The following IMPG2 variants were observed in gnomAD, a reference collection of about 807,000 sequenced individuals.
The protein encoded by IMPG2 is interphotoreceptor matrix proteoglycan 2.
In IMPG2, 91 loss-of-function variants were observed where a neutral mutation model predicts 129.2. The observed-to-expected ratio is 0.70, with a 90% CI of 0.59 to 0.84. IMPG2 has a LOEUF of 0.84. Among genes scored for constraint, IMPG2 ranks in the 40% least tolerant of loss-of-function variants. The pLI is 0.00. For missense variants in IMPG2, 1,430 were observed against 1,461.7 expected (o/e 0.98, Z 0.35); for synonymous variants, 510 against 517.7 (o/e 0.99, Z 0.20).
At position 101,281,030 on chromosome 3, in the gene IMPG2, G is replaced by GAC. The variant is rs950089478; in HGVS notation, c.534-4319_534-4318dup. On this transcript the variant is annotated intron_variant, in intron 4 of 18. Coordinates refer to ENST00000193391, the MANE Select transcript of IMPG2 (RefSeq NM_016247.4). Reference sequence around the variant, plus strand: ...TCAACTACAAATGTAAATTAATTGAGACACACACACACACAATCCCAAAGA... The same window carrying GAC: ...TCAACTACAAATGTAAATTAATTGAGACACACACACACACACAATCCCAAAGA... Among the ~76,000 whole-genome samples the GAC allele has an allele frequency of 3.2e-3, 479 of 151,670 alleles. 1 individual carries two copies. Among genetic ancestry groups the GAC allele is most frequent in the African/African-American group, 0.011 (438 of 41,384 alleles).
chr3:101,226,225 TTA>T lies in IMPG2; in HGVS notation c.*742_*743del, dbSNP rs66908707. On this transcript the variant is annotated 3_prime_UTR_variant, in exon 19 of 19. Transcript: ENST00000193391. ...TAGATTAATGGGAATCTTCTAAACT[TTA>T]TATATATATATATATATATATATAT... 23 of 102,746 alleles carry T rather than the reference TTA, an allele frequency of 2.2e-4. No homozygotes were observed. Among genetic ancestry groups the T allele is most frequent in the East Asian group, 7.1e-4 (2 of 2,802 alleles). 6.4% of individuals were successfully genotyped at this position (102,746 alleles called of 1,614,324 possible). A position where few individuals can be genotyped will look rare whatever the true frequency, so the allele number is the denominator to read the frequency against.
At chr3:101,313,811 T>C (rs2058768916) in intron 2 of IMPG2, among the ~76,000 whole-genome samples, 1 of 152,096 alleles carries the variant, frequency 6.6e-6, no homozygotes, top group Admixed American at 6.6e-5. Flanking sequence ...TATTTGTAGA[T>C]GAAATAATTA....
At position 101,229,602 on chromosome 3, in the gene IMPG2, A is replaced by G. The variant is rs757225203; in HGVS notation, c.3423-12T>C. 6.2e-7 allele frequency: 1 copy of G among 1,609,630 alleles called. No homozygotes were observed. Among genetic ancestry groups the G allele is most frequent in the South Asian group, 1.1e-5 (1 of 90,954 alleles). The stretch of plus-strand genomic sequence containing the variant: ...GCCTGCTGGAGCCACTAAAAGAAAG[A>G]TATGATGGATTCAGGCTCTTGTTTG... On this transcript the variant is annotated splice_polypyrimidine_tract_variant and intron_variant, in intron 16 of 18. Coordinates refer to ENST00000193391, the MANE Select transcript of IMPG2 (RefSeq NM_016247.4).
At chr3:101,263,601 A>G (rs1706692056) in intron 9 of IMPG2, among the ~76,000 whole-genome samples, 1 of 151,942 alleles carries the variant, frequency 6.6e-6, no homozygotes, top group African/African-American at 2.4e-5. Context: ...TCAAACAACT[A>G]AAAAGATTTC....
At chr3:101,238,969 A>C (rs1027764555) in intron 14 of IMPG2, among the ~76,000 whole-genome samples, 1 of 152,216 alleles carries the variant, frequency 6.6e-6, no homozygotes, top group Non-Finnish European at 1.5e-5. Flanking sequence ...TGTATTCAGA[A>C]GACCCATCTC....
At chr3:101,314,304 T>C (rs1412971353) in intron 2 of IMPG2, among the ~76,000 whole-genome samples, 1 of 152,128 alleles carries the variant, frequency 6.6e-6, no homozygotes, top group East Asian at 1.9e-4. Context: ...GCATGGGACA[T>C]ACGTACACTA....
At chr3:101,305,856 G>C (rs1163224312) in intron 2 of IMPG2, among the ~76,000 whole-genome samples, 1 of 152,144 alleles carries the variant, frequency 6.6e-6, no homozygotes, top group Admixed American at 6.5e-5. Context: ...ATGTACTGCT[G>C]TTCTGTAACC....
At chr3:101,276,394 A>G (rs745897637) in intron 5 of IMPG2, among the ~76,000 whole-genome samples, 3 of 152,210 alleles carry the variant, frequency 2.0e-5, no homozygotes, top group Non-Finnish European at 4.4e-5. Flanking sequence ...TGTTTGCCTT[A>G]AAATAATTCA....
At chr3:101,316,471 AG>A (rs2058786285) in intron 2 of IMPG2, among the ~76,000 whole-genome samples, 1 of 152,110 alleles carries the variant, frequency 6.6e-6, no homozygotes, top group Non-Finnish European at 1.5e-5. Context: ...CACTAAAAAA[AG>A]ATATATAAAT....
At chr3:101,310,559 C>CAAAAAAAAAAAAA (rs199570786) in intron 2 of IMPG2, among the ~76,000 whole-genome samples, 1 of 126,504 alleles carries the variant, frequency 7.9e-6, no homozygotes, top group African/African-American at 3.4e-5. Flanking sequence ...GACCCTGTCT[C>CAAAAAAAAAAAAA]AAAAAAAAAA....
chr3:101,302,119 T>C (rs2107135436), intron 3 of IMPG2, among the ~76,000 whole-genome samples: 1 of 152,362 alleles, frequency 6.6e-6, no homozygotes, highest in South Asian at 2.1e-4. Context: ...TTTAAGTAAC[T>C]TGTACTTATC....
chr3:101,229,577 GC>G lies in IMPG2; in HGVS notation c.3435del (p.Arg1145SerfsTer13). 1 of 1,613,790 alleles carries G rather than the reference GC, an allele frequency of 6.2e-7. No homozygotes were observed. Among genetic ancestry groups the G allele is most frequent in the Non-Finnish European group, 8.5e-7 (1 of 1,179,864 alleles). Reference sequence around the variant, plus strand: ...TCAATAGATGAGAGGCTGTCAGGCTGCCTGCTGGAGCCACTAAAAGAAAGAT... The same window carrying G: ...TCAATAGATGAGAGGCTGTCAGGCTGCTGCTGGAGCCACTAAAAGAAAGAT... ...ERESPFSGSSRQPDSLSSIEN... is the reference protein window; with the variant it reads ...ERESPFSGSSXQPDSLSSIEN... On this transcript the variant is annotated frameshift_variant, in exon 17 of 19. Coordinates refer to ENST00000193391, the MANE Select transcript of IMPG2 (RefSeq NM_016247.4). LOFTEE classifies it high-confidence loss of function.
In IMPG2 at chr3:101,279,078, G is replaced by A. The variant is rs1706867166; in HGVS notation, c.534-2365C>T. On this transcript the variant is annotated intron_variant, in intron 4 of 18. Transcript: ENST00000193391. ...CAGTACCTTCATTTCATAGATGAAAGAAATAAGGTCCAAACAGGTAAAGCA... is the reference window on the plus strand; with the variant it reads ...CAGTACCTTCATTTCATAGATGAAAAAAATAAGGTCCAAACAGGTAAAGCA... 2.0e-5 allele frequency among the ~76,000 whole-genome samples: 3 copies of A among 152,120 alleles called. No individual in the cohort carries two copies. The South Asian group carries it at 6.2e-4, about 32-fold the overall frequency.
Position 101,245,830 on chromosome 3 carries a change from C to A in IMPG2, c.1515G>T (p.Arg505Ser). ...QTGLPVASEE[R>S]TSGSHLVEDG... ...CTTCTACCAAGTGAGATCCAGAAGT[C>A]CTTTCCTCAGAAGCCACAGGCAAGC... The change falls in exon 12 of 19, where the codon AGG becomes AGT. Residue 505 changes from arginine (R) to serine (S), a missense_variant. Coordinates refer to ENST00000193391, the MANE Select transcript of IMPG2 (RefSeq NM_016247.4). The A allele has an allele frequency of 6.2e-7, 1 of 1,614,158 alleles. No individual in the cohort carries two copies. Among genetic ancestry groups the A allele is most frequent in the Non-Finnish European group, 8.5e-7 (1 of 1,179,994 alleles).
intron 10 of IMPG2, among the ~76,000 whole-genome samples, chr3:101,256,413 G>A (rs1391892293): frequency 6.6e-6 from 1 of 151,648 alleles, no homozygotes; most frequent in Non-Finnish European, 1.5e-5. Context: ...ACTTTTCTTT[G>A]TCTCTCTCTA....
intron 14 of IMPG2, among the ~76,000 whole-genome samples, chr3:101,235,765 G>A (rs1559640529): frequency 1.3e-5 from 2 of 152,152 alleles, no homozygotes; most frequent in Admixed American, 6.5e-5. Context: ...TGGGAGACAG[G>A]GATCTAAATG....
intron 15 of IMPG2, 117 bp downstream of exon 15, chr3:101,232,664 G>T: frequency 1.2e-6 from 1 of 832,148 alleles, no homozygotes; most frequent in Non-Finnish European, 2.0e-6. Context: ...CTATTGCCTA[G>T]ATATAACTTC....
At chr3:101,317,004 T>G (rs2058788753) in intron 2 of IMPG2, among the ~76,000 whole-genome samples, 1 of 151,876 alleles carries the variant, frequency 6.6e-6, no homozygotes, top group African/African-American at 2.4e-5. Context: ...CATTTATATA[T>G]AAAAGTATAG....
intron 14 of IMPG2, among the ~76,000 whole-genome samples, chr3:101,240,702 C>T (rs1706397419): frequency 6.6e-6 from 1 of 152,122 alleles, no homozygotes; most frequent in Admixed American, 6.5e-5. Context: ...TTCCACTATA[C>T]CACATGACAA....
Sources: allele counts gnomAD v4.1 joint callset (sites outside exome capture counted in the v4.1 genomes callset), GRCh38; gene constraint gnomAD v4.1.1; transcripts MANE v1.5; gene names NCBI Gene and HGNC (gene_info 2026-07-23, HGNC 2026-07-21).